SAMD4A: variants seen among roughly 807,000 people sequenced by gnomAD.
SAMD4A encodes protein Smaug homolog 1.
SAMD4A carries 33 observed loss-of-function variants against 81.3 expected under a neutral mutation model. The observed-to-expected ratio is 0.41, with a 90% CI of 0.31 to 0.54. The LOEUF (loss-of-function observed/expected upper bound fraction) is 0.54. SAMD4A is among the 20% of genes least tolerant of loss of function. SAMD4A has a pLI of 0.37. For synonymous variants in SAMD4A, 389 were observed against 382.1 expected, an observed-to-expected ratio of 1.02 and a Z score of -0.21; for missense variants, 854 against 951.1, an observed-to-expected ratio of 0.90 and a Z score of 1.34.
intron 11 of SAMD4A, among the ~76,000 whole-genome samples, chr14:54,780,456 G>A (rs945665803): frequency 6.6e-6 from 1 of 152,160 alleles, no homozygotes; most frequent in East Asian, 1.9e-4. Context: ...AGAGTTATTG[G>A]TGCACTGGGT....
chr14:54,702,476 A>T lies in SAMD4A; in HGVS notation c.611A>T (p.Asn204Ile). The change falls in exon 3 of 13, where the codon AAC (asparagine) becomes ATC (isoleucine). Residue 204 changes from asparagine to isoleucine, a missense_variant. Asn to Ile is a moderately radical substitution (Grantham distance 149). Transcript: ENST00000554335. ...TCTGGGATTTGCATCAATGCCTCCA[A>T]CTGGCAGGACAAAAGCATGGGGTGT... Reference protein sequence around the residue: ...RDSGICINASNWQDKSMGCEN... With the variant: ...RDSGICINASIWQDKSMGCEN... 6.2e-7 allele frequency: 1 copy of T among 1,614,178 alleles called. No individual in the cohort carries two copies. The highest frequency in any genetic ancestry group is 8.5e-7 in the Non-Finnish European group (1 of 1,179,998).
At chr14:54,723,309 G>A (rs1281270781) in intron 3 of SAMD4A, among the ~76,000 whole-genome samples, 4 of 152,116 alleles carry the variant, frequency 2.6e-5, no homozygotes, top group African/African-American at 9.7e-5. Flanking sequence ...ATGTGGTTGG[G>A]CAGGTGATTT....
chr14:54,653,041 G>A (rs1008160620), intron 2 of SAMD4A, among the ~76,000 whole-genome samples: 44 of 151,678 alleles, frequency 2.9e-4, no homozygotes, highest in African/African-American at 1.0e-3. Flanking sequence ...ATGCCCTCTC[G>A]GGTGCTCCCT....
At chr14:54,672,951 C>T (rs1021510132) in intron 2 of SAMD4A, among the ~76,000 whole-genome samples, 4 of 152,104 alleles carry the variant, frequency 2.6e-5, no homozygotes, top group South Asian at 2.1e-4. Flanking sequence ...TACATTTTGC[C>T]GGCATTAGAG....
chr14:54,568,165 C>G, intron 2 of SAMD4A, 53 bp downstream of exon 2: 1 of 1,388,152 alleles, frequency 7.2e-7, no homozygotes, highest in South Asian at 1.5e-5. Flanking sequence ...CCCCGCTCCT[C>G]CCTCCGCTTC....
intron 2 of SAMD4A, among the ~76,000 whole-genome samples, chr14:54,637,791 A>G (rs181699831): frequency 6.6e-6 from 1 of 152,220 alleles, no homozygotes; most frequent in African/African-American, 2.4e-5. Flanking sequence ...GTTACATTAA[A>G]TCAGTCCTAA....
At chr14:54,722,824 A>G (rs368229732) in intron 3 of SAMD4A, among the ~76,000 whole-genome samples, 1 of 152,336 alleles carries the variant, frequency 6.6e-6, no homozygotes, top group East Asian at 1.9e-4. Flanking sequence ...TCTGAAAGTA[A>G]TGTTCTTGGA....
chr14:54,772,838 A>AG (rs1431928358), intron 9 of SAMD4A, among the ~76,000 whole-genome samples: 2 of 149,060 alleles, frequency 1.3e-5, no homozygotes. Context: ...AAAAAAAAAA[A>AG]CACTCGGCCC....
intron 6 of SAMD4A, among the ~76,000 whole-genome samples, chr14:54,757,652 G>A (rs565629277): frequency 6.6e-6 from 1 of 152,322 alleles, no homozygotes; most frequent in African/African-American, 2.4e-5. Flanking sequence ...GACAGCAGCT[G>A]CATGGGATGG....
intron 2 of SAMD4A, among the ~76,000 whole-genome samples, chr14:54,681,012 G>T (rs2036111506): frequency 6.6e-6 from 1 of 152,234 alleles, no homozygotes; most frequent in Non-Finnish European, 1.5e-5. Context: ...GTCCGTCAAG[G>T]TTTAGATTCC....
At chr14:54,695,593 T>C (rs1297892853) in intron 2 of SAMD4A, among the ~76,000 whole-genome samples, 1 of 152,042 alleles carries the variant, frequency 6.6e-6, no homozygotes, top group East Asian at 1.9e-4. Flanking sequence ...AGCACATAGG[T>C]GAATACCAGT....
intron 2 of SAMD4A, among the ~76,000 whole-genome samples, chr14:54,611,996 G>A (rs1184452991): frequency 6.6e-6 from 1 of 152,120 alleles, no homozygotes. Context: ...CCGTCACCCT[G>A]ATTGACACCA....
At chr14:54,578,224 G>C (rs2033362397) in intron 2 of SAMD4A, among the ~76,000 whole-genome samples, 1 of 152,170 alleles carries the variant, frequency 6.6e-6, no homozygotes, top group Non-Finnish European at 1.5e-5. Context: ...TAGGAATTTA[G>C]TGTCTATTTG....
intron 2 of SAMD4A, among the ~76,000 whole-genome samples, chr14:54,684,841 G>A (rs1032080212): frequency 2.6e-5 from 4 of 152,236 alleles, no homozygotes; most frequent in South Asian, 2.1e-4. Flanking sequence ...TCTGTGCAGC[G>A]TTTGACTTGG....
At position 54,724,007 on chromosome 14, in the gene SAMD4A, TGGAA is replaced by T. The variant is rs753453738; in HGVS notation, c.716-12976_716-12973del. 7.6e-3 allele frequency among the ~76,000 whole-genome samples: 940 copies of T among 124,248 alleles called. 12 individuals carry two copies. The highest frequency in any genetic ancestry group is 0.022 in the African/African-American group (737 of 33,306). 81.5% of individuals were successfully genotyped at this position (124,248 alleles called of 152,430 possible). A position where few individuals can be genotyped will look rare whatever the true frequency, so the allele number is the denominator to read the frequency against. On this transcript the variant is annotated intron_variant, in intron 3 of 12. Coordinates refer to ENST00000554335, the MANE Select transcript of SAMD4A (RefSeq NM_015589.6). ...AGCAAATATTGGATGGATGGATGGA[TGGAA>T]GGAAGGAAGGAAGGAAGGAAGGAAG...
chr14:54,754,456 C>T (rs2038187013), intron 6 of SAMD4A, among the ~76,000 whole-genome samples: 1 of 152,180 alleles, frequency 6.6e-6, no homozygotes, highest in African/African-American at 2.4e-5. Context: ...AATGTTTGGA[C>T]ATCCTGTATA....
At chr14:54,718,521 T>G (rs2037178480) in intron 3 of SAMD4A, among the ~76,000 whole-genome samples, 2 of 152,188 alleles carry the variant, frequency 1.3e-5, no homozygotes, top group Non-Finnish European at 2.9e-5. Context: ...TGACCCAGAT[T>G]GCTTTTGCCT....
In SAMD4A at chr14:54,789,106, G is replaced by C. The variant is rs961089271; in HGVS notation, c.*162G>C. ...TTTTGTGAGAGCGTAGGTCATCCTCGTAAACATATCAGTAGACCTGGGGTT... is the reference window on the plus strand; with the variant it reads ...TTTTGTGAGAGCGTAGGTCATCCTCCTAAACATATCAGTAGACCTGGGGTT... On this transcript the variant is annotated 3_prime_UTR_variant, in exon 13 of 13. Transcript: ENST00000554335. 1.5e-6 allele frequency: 1 copy of C among 676,692 alleles called. No individual in the cohort carries two copies. Among genetic ancestry groups the C allele is most frequent in the Middle Eastern group, 2.5e-4 (1 of 3,978 alleles). 41.9% of individuals were successfully genotyped at this position (676,692 alleles called of 1,614,324 possible). A position where few individuals can be genotyped will look rare whatever the true frequency, so the allele number is the denominator to read the frequency against.
intron 10 of SAMD4A, among the ~76,000 whole-genome samples, chr14:54,776,082 T>A (rs1052331839): frequency 2.0e-5 from 3 of 148,546 alleles, no homozygotes; most frequent in Non-Finnish European, 3.0e-5. Context: ...GTTGCATACA[T>A]TTATAGAACT....
Sources: gnomAD v4.1 joint callset for allele counts (sites outside exome capture counted in the v4.1 genomes callset) on GRCh38, gnomAD v4.1.1 for gene constraint, MANE v1.5 for transcripts, NCBI Gene and HGNC (gene_info 2026-07-23, HGNC 2026-07-21) for gene names.